Variants in PDGFRB observed in about 807,000 individuals in gnomAD.
PDGFRB encodes platelet-derived growth factor receptor beta.
A neutral mutation model predicts 120.2 loss-of-function variants in PDGFRB; 42 were observed. The ratio of observed to expected loss-of-function variants is 0.35; its 90% CI spans 0.27 to 0.45. PDGFRB has a LOEUF of 0.45. Ranked by LOEUF, PDGFRB falls within the 20% of genes least tolerant of loss-of-function variation. The pLI, the probability that PDGFRB is intolerant of heterozygous loss-of-function variation, is 1.00. For missense variants in PDGFRB, 1,149 were observed against 1,476.3 expected (o/e 0.78, Z 3.63); for synonymous variants, 586 against 606.8 (o/e 0.97, Z 0.50).
intron 4 of PDGFRB, 101 bp downstream of exon 4, chr5:150,134,649 C>G (rs111496341): frequency 9.5e-5 from 103 of 1,089,020 alleles, no homozygotes; most frequent in Non-Finnish European, 1.3e-4. Flanking sequence ...TGAGAATCCA[C>G]TGGGAAGTGG....
intron 6 of PDGFRB, among the ~76,000 whole-genome samples, chr5:150,133,282 G>A (rs981883355): frequency 5.3e-5 from 8 of 152,180 alleles, no homozygotes; most frequent in African/African-American, 1.7e-4. Flanking sequence ...TGGAAGTCAG[G>A]TTGGGGCTGG....
In PDGFRB at chr5:150,121,824, T is replaced by G; in HGVS notation, c.2344+56A>C. The G allele has an allele frequency of 7.5e-7, 1 of 1,341,504 alleles. No individual in the cohort carries two copies. The highest frequency in any genetic ancestry group is 1.1e-6 in the Non-Finnish European group (1 of 939,242). The allele number at this position is 1,341,504 out of a possible 1,614,324, so 83.1% of individuals were successfully genotyped here. A position where few individuals can be genotyped will look rare whatever the true frequency, so the allele number is the denominator to read the frequency against. ...TCAGGGTTTTTGGCAAGGCTGGGCA[T>G]GTGAAGAGCATCAGCCTGTTTGGAT... On this transcript the variant is annotated intron_variant, in intron 16 of 22. Transcript: ENST00000261799. This position sits in a 1 kb window ranked among gnomAD's most constrained non-coding sequence, Gnocchi z 4.1.
intron 11 of PDGFRB, among the ~76,000 whole-genome samples, chr5:150,125,990 A>G (rs1303838390): frequency 6.6e-6 from 1 of 152,246 alleles, no homozygotes; most frequent in Non-Finnish European, 1.5e-5. Flanking sequence ...ATGTAAGCTT[A>G]GAATGTTGAC....
intron 1 of PDGFRB, among the ~76,000 whole-genome samples, chr5:150,151,957 C>T (rs1008666260): frequency 1.3e-5 from 2 of 150,750 alleles, no homozygotes; most frequent in Admixed American, 6.6e-5. Flanking sequence ...TTTTTTGAGA[C>T]AGTCTTGCCC....
chr5:150,152,269 A>G (rs4358508), intron 1 of PDGFRB, among the ~76,000 whole-genome samples: 30,555 of 152,170 alleles, frequency 0.2, 4,368 homozygotes, highest in East Asian at 0.41. Flanking sequence ...AGCATGTTCC[A>G]AGTGCTGAGG....
At chr5:150,147,393 G>A (rs1760955027) in intron 1 of PDGFRB, among the ~76,000 whole-genome samples, 1 of 152,210 alleles carries the variant, frequency 6.6e-6, no homozygotes, top group African/African-American at 2.4e-5. Context: ...GCGCAGACAA[G>A]CAAACCTTCT....
At chr5:150,154,118 T>C (rs1367273777) in intron 1 of PDGFRB, among the ~76,000 whole-genome samples, 2 of 151,828 alleles carry the variant, frequency 1.3e-5, no homozygotes, top group Admixed American at 6.6e-5. Flanking sequence ...CAGCACAAAG[T>C]GCATGGCTAG....
intron 1 of PDGFRB, among the ~76,000 whole-genome samples, chr5:150,154,657 C>A (rs569496810): frequency 6.6e-6 from 1 of 152,098 alleles, no homozygotes; most frequent in African/African-American, 2.4e-5. Context: ...GGGGTAGAGT[C>A]CAGAAGGAGG....
Position 150,126,531 on chromosome 5 carries a change from G to T in PDGFRB, c.1663C>A (p.Leu555Ile). Residue 555 changes from leucine (L) to isoleucine (I), a missense_variant, in exon 11 of 23, where the codon CTT (leucine) becomes ATT (isoleucine). Coordinates refer to ENST00000261799, the MANE Select transcript of PDGFRB (RefSeq NM_002609.4). ...AGGGAGGGGCTTACCTTCTGCCAAA[G>T]CATGATGAGGATGATAAGGGAGATG... ...TIISLIILIM[L>I]WQKKPRYEIR... is the part of the protein sequence containing the mutation. 1 of 1,590,000 alleles carries T rather than the reference G, an allele frequency of 6.3e-7. No individual in the cohort carries two copies. The highest frequency in any genetic ancestry group is 8.6e-7 in the Non-Finnish European group (1 of 1,158,044).
intron 3 of PDGFRB, 29 bp downstream of exon 3, chr5:150,135,526 G>T: frequency 7.0e-7 from 1 of 1,419,510 alleles, no homozygotes; most frequent in Non-Finnish European, 9.8e-7. Context: ...GAGGGGTAAG[G>T]AGTGGGCACA....
Position 150,121,788 on chromosome 5 carries a change from C to G in PDGFRB, c.2344+92G>C. 1.0e-6 allele frequency: 1 copy of G among 986,368 alleles called. No homozygotes were observed. Among genetic ancestry groups the G allele is most frequent in the Non-Finnish European group, 1.6e-6 (1 of 636,884 alleles). 61.1% of individuals were successfully genotyped at this position (986,368 alleles called of 1,614,324 possible). A position where few individuals can be genotyped will look rare whatever the true frequency, so the allele number is the denominator to read the frequency against. ...CTACATCTATGAAATGGGCACGAGG[C>G]TCCCTTCTTCTCAGGGTTTTTGGCA... is the stretch of plus-strand genomic sequence containing the variant. On this transcript the variant is annotated intron_variant, in intron 16 of 22. Coordinates refer to ENST00000261799, the MANE Select transcript of PDGFRB (RefSeq NM_002609.4). This position sits in a 1 kb window ranked among gnomAD's most constrained non-coding sequence, Gnocchi z 4.1.
In PDGFRB at chr5:150,134,739, AG is replaced by A; in HGVS notation, c.631+10del. On this transcript the variant is annotated intron_variant, in intron 4 of 22. Transcript: ENST00000261799. ...GCCTCTGCTGAGCATCAGGCCAGAA[AG>A]GGGGCTCACCCTGGAGTCTGTAGAC... is the stretch of plus-strand genomic sequence containing the variant. The A allele has an allele frequency of 6.2e-7, 1 of 1,602,368 alleles. No homozygotes were observed. Among genetic ancestry groups the A allele is most frequent in the South Asian group, 1.1e-5 (1 of 88,922 alleles).
At chr5:150,130,023 A>T in intron 9 of PDGFRB, 55 bp from the exon 10 acceptor site, 1 of 1,369,824 alleles carries the variant, frequency 7.3e-7, no homozygotes, top group South Asian at 1.2e-5. Context: ...GCAGACAGGG[A>T]AACTGAGGAG....
intron 1 of PDGFRB, among the ~76,000 whole-genome samples, chr5:150,142,681 T>G (rs147973605): frequency 6.6e-6 from 1 of 151,518 alleles, no homozygotes; most frequent in Non-Finnish European, 1.5e-5. Flanking sequence ...TGCCTGAAAC[T>G]TTGGATAAAA....
rs17110942 is a variant in PDGFRB at position 150,130,157 on chromosome 5, T to C, written c.1368-189A>G. ...TGCTCCCATCCCAGAACTGACAACGTGGATTGCAAAATCCATTCTTATTTG... is the reference window on the plus strand; with the variant it reads ...TGCTCCCATCCCAGAACTGACAACGCGGATTGCAAAATCCATTCTTATTTG... On this transcript the variant is annotated intron_variant, in intron 9 of 22. Coordinates refer to ENST00000261799, the MANE Select transcript of PDGFRB (RefSeq NM_002609.4). Among the ~76,000 whole-genome samples, 4,670 of 152,304 alleles carry C rather than the reference T, an allele frequency of 0.031. 257 individuals carry two copies. Among genetic ancestry groups the C allele is most frequent in the African/African-American group, 0.11 (4,454 of 41,544 alleles).
At chr5:150,133,282 G>T (rs981883355) in intron 6 of PDGFRB, among the ~76,000 whole-genome samples, 6 of 152,180 alleles carry the variant, frequency 3.9e-5, no homozygotes, top group Non-Finnish European at 8.8e-5. Context: ...TGGAAGTCAG[G>T]TTGGGGCTGG....
intron 9 of PDGFRB, 50 bp downstream of exon 9, chr5:150,130,489 T>G: frequency 6.3e-7 from 1 of 1,589,730 alleles, no homozygotes; most frequent in Non-Finnish European, 8.6e-7. Context: ...TTCACGAGCT[T>G]TTTCTAGCCA....
intron 9 of PDGFRB, 36 bp downstream of exon 9, chr5:150,130,502 TG>T (rs2113903878): frequency 6.2e-7 from 1 of 1,600,164 alleles, no homozygotes; most frequent in Non-Finnish European, 8.5e-7. Flanking sequence ...TCTAGCCAGC[TG>T]GGGACACTGG....
rs774107509 is a variant in PDGFRB at position 150,135,812 on chromosome 5, G to A, written c.107C>T (p.Thr36Ile). The change falls in exon 3 of 23, where the codon ACA becomes ATA. Residue 36 changes from threonine (T) to isoleucine (I), a missense_variant. Physicochemically the swap from Thr to Ile is moderately conservative, Grantham distance 89. Around this residue, in one of 3 missense-constraint regions of PDGFRB, gnomAD observed 879 missense variants for 1,108.6 expected, o/e 0.79. Transcript: ENST00000261799. Reference protein sequence around the residue: ...EPQISQGLVVTPPGPELVLNV... With the variant: ...EPQISQGLVVIPPGPELVLNV... ...GAGGACAAGCTCTGGCCCCGGGGGT[G>A]TGACGACCAGGCCCTGAGAGATCTG... is the stretch of plus-strand genomic sequence containing the variant. The A allele has an allele frequency of 6.3e-7, 1 of 1,584,534 alleles. No individual in the cohort carries two copies. The highest frequency in any genetic ancestry group is 1.4e-5 in the African/African-American group (1 of 74,050).
Sources: allele counts gnomAD v4.1 joint callset (sites outside exome capture counted in the v4.1 genomes callset), GRCh38; gene constraint gnomAD v4.1.1; regional missense constraint gnomAD v4.1.1; non-coding constraint Gnocchi (gnomAD v3.1); transcripts MANE v1.5; gene names NCBI Gene and HGNC (gene_info 2026-07-23, HGNC 2026-07-21).